The following KIF4A variants were observed in gnomAD, a reference collection of about 807,000 sequenced individuals.
KIF4A encodes kinesin family member 4A.
Under a neutral mutation model 105.9 loss-of-function variants are expected in KIF4A, and 7 were observed. The observed-to-expected ratio is 0.07, with a 90% CI of 0.04 to 0.12. The LOEUF (loss-of-function observed/expected upper bound fraction) is 0.12. KIF4A is among the 10% of genes least tolerant of loss of function. KIF4A has a pLI of 1.00. For missense variants in KIF4A, 558 were observed against 929.2 expected (o/e 0.60, Z 5.19); for synonymous variants, 281 against 331.3 (o/e 0.85, Z 1.65).
intron 22 of KIF4A, among the ~76,000 whole-genome samples, chrX:70,401,251 T>G (rs2086281046): frequency 9.3e-6 from 1 of 107,832 alleles, no homozygotes; most frequent in South Asian, 4.1e-4. Context: ...AACTAATTTT[T>G]GTATTTTTAG....
At chrX:70,370,774 A>G (rs2086128018) in intron 15 of KIF4A, among the ~76,000 whole-genome samples, 1 of 109,065 alleles carries the variant, frequency 9.2e-6, no homozygotes, top group African/African-American at 3.3e-5. Context: ...TGTCTCTACT[A>G]AAAATACAAA....
At position 70,404,576 on chromosome X, in the gene KIF4A, A is replaced by T. The variant is rs2086293628; in HGVS notation, c.2791-139A>T. The T allele has an allele frequency of 6.9e-6, 3 of 434,957 alleles. No individual in the cohort carries two copies. In the Admixed American group the frequency reaches 1.2e-4, roughly 18 times the overall value. 35.8% of individuals were successfully genotyped at this position (434,957 alleles called of 1,213,427 possible). ...ACATCCATGCTGTACTTACTACTTC[A>T]TGCCATGACAGCAAATGAGAACAGT... On this transcript the variant is annotated intron_variant, in intron 24 of 30. Coordinates refer to ENST00000374403, the MANE Select transcript of KIF4A (RefSeq NM_012310.5).
At chrX:70,349,150 C>T (rs1234307138) in intron 13 of KIF4A, among the ~76,000 whole-genome samples, 1 of 87,863 alleles carries the variant, frequency 1.1e-5, no homozygotes, top group African/African-American at 4.4e-5. Flanking sequence ...TTCTCACATC[C>T]CAGACGATGG....
intron 7 of KIF4A, among the ~76,000 whole-genome samples, chrX:70,324,812 C>T (rs1602749237): frequency 9.0e-6 from 1 of 111,457 alleles, no homozygotes; most frequent in East Asian, 2.8e-4. Context: ...GACAGGGTCT[C>T]ACTCTGTCGC....
chrX:70,407,858 G>A (rs2086306756), intron 28 of KIF4A, among the ~76,000 whole-genome samples: 1 of 111,614 alleles, frequency 9.0e-6, no homozygotes, highest in African/African-American at 3.3e-5. Context: ...ACCTGAGGTC[G>A]GGAGTTCGAG....
chrX:70,355,117 G>A (rs938828016), intron 15 of KIF4A, among the ~76,000 whole-genome samples: 3 of 111,704 alleles, frequency 2.7e-5, no homozygotes, highest in Admixed American at 1.9e-4. Context: ...TGCCTGGCTG[G>A]CATCATCTAG....
chrX:70,320,732 A>G (rs1179570537), intron 7 of KIF4A, among the ~76,000 whole-genome samples: 3 of 111,838 alleles, frequency 2.7e-5, no homozygotes, highest in African/African-American at 6.5e-5. Flanking sequence ...GTATAAACAT[A>G]CAGTTAGATG....
chrX:70,386,817 A>G, intron 19 of KIF4A, 116 bp downstream of exon 19: 1 of 533,174 alleles, frequency 1.9e-6, no homozygotes, highest in Admixed American at 3.2e-5. Flanking sequence ...GCCAATCTTC[A>G]CAAGCAATTC....
chrX:70,324,873 C>T (rs765486961), intron 7 of KIF4A, among the ~76,000 whole-genome samples: 4 of 111,531 alleles, frequency 3.6e-5, no homozygotes, highest in Admixed American at 9.5e-5. Flanking sequence ...CCTCAACCTC[C>T]TGGGCTGAAG....
At chrX:70,386,853 C>A in intron 19 of KIF4A, 152 bp downstream of exon 19, 1 of 465,739 alleles carries the variant, frequency 2.1e-6, no homozygotes, top group African/African-American at 2.4e-5. Context: ...TGTTTATATG[C>A]CACTGTGAGC....
intron 18 of KIF4A, among the ~76,000 whole-genome samples, chrX:70,384,296 G>C: frequency 9.0e-6 from 1 of 111,466 alleles, no homozygotes; most frequent in Non-Finnish European, 1.9e-5. Context: ...AAGGAAGTAG[G>C]GCAACAAAAA....
intron 15 of KIF4A, among the ~76,000 whole-genome samples, chrX:70,368,654 C>T (rs2086116193): frequency 8.9e-6 from 1 of 111,934 alleles, no homozygotes; most frequent in Non-Finnish European, 1.9e-5. Flanking sequence ...TGTCAGTCTG[C>T]CCCTCCTGGG....
At chrX:70,416,747 C>T (rs1440469184) in intron 28 of KIF4A, among the ~76,000 whole-genome samples, 1 of 112,353 alleles carries the variant, frequency 8.9e-6, no homozygotes, top group Non-Finnish European at 1.9e-5. Context: ...TCCAGCCTGT[C>T]AAAATATTTT....
intron 15 of KIF4A, among the ~76,000 whole-genome samples, chrX:70,365,075 T>A (rs1359980046): frequency 4.5e-5 from 5 of 111,912 alleles, no homozygotes; most frequent in African/African-American, 9.7e-5. Context: ...ATGCTTGTGA[T>A]TTTTGCACAT....
At chrX:70,317,951 C>T (rs1350622639) in intron 7 of KIF4A, among the ~76,000 whole-genome samples, 2 of 106,544 alleles carry the variant, frequency 1.9e-5, no homozygotes, top group Non-Finnish European at 3.9e-5. Flanking sequence ...GATGTTGGGT[C>T]ACTGCAACCT....
rs2086299856 is a variant in KIF4A at position 70,406,266 on chromosome X, C to T, written c.2984C>T (p.Thr995Ile). The T allele has an allele frequency of 8.3e-7, 1 of 1,204,135 alleles. No individual in the cohort carries two copies. Among genetic ancestry groups the T allele is most frequent in the African/African-American group, 1.8e-5 (1 of 56,922 alleles). The change falls in exon 27 of 31, where the codon ACC becomes ATC. Residue 995 changes from threonine (T) to isoleucine (I), a missense_variant. Coordinates refer to ENST00000374403, the MANE Select transcript of KIF4A (RefSeq NM_012310.5). ...TCTCTTCTTTTCAAATAGAAACTGA[C>T]CCTCCTCCAGGTAGCCAGCAGACAG... Reference protein sequence around the residue: ...RENEIIKQKLTLLQVASRQKH... With the variant: ...RENEIIKQKLILLQVASRQKH...
chrX:70,375,619 A>G (rs1001928608), intron 17 of KIF4A, among the ~76,000 whole-genome samples: 5 of 111,876 alleles, frequency 4.5e-5, no homozygotes, highest in African/African-American at 1.6e-4. Context: ...TTAGTGGGTT[A>G]TATCCTGATC....
intron 10 of KIF4A, among the ~76,000 whole-genome samples, chrX:70,341,587 A>G (rs1468231182): frequency 9.0e-6 from 1 of 111,721 alleles, no homozygotes; most frequent in Non-Finnish European, 1.9e-5. Flanking sequence ...AAACCACTGA[A>G]GTACTTCAGA....
At chrX:70,293,881 G>A (rs1231871093) in intron 3 of KIF4A, among the ~76,000 whole-genome samples, 2 of 112,140 alleles carry the variant, frequency 1.8e-5, no homozygotes, top group Non-Finnish European at 3.8e-5. Flanking sequence ...GTATACTACT[G>A]TAGACTTTAT....
Sources: allele counts gnomAD v4.1 joint callset (sites outside exome capture counted in the v4.1 genomes callset), GRCh38; gene constraint gnomAD v4.1.1; transcripts MANE v1.5; gene names NCBI Gene and HGNC (gene_info 2026-07-23, HGNC 2026-07-21).